MORF4L1: variants seen among roughly 807,000 people sequenced by gnomAD.
MORF4L1 encodes mortality factor 4-like protein 1.
A neutral mutation model predicts 52.9 loss-of-function variants in MORF4L1; 4 were observed. That is an observed-to-expected ratio of 0.08 (90% CI 0.04 to 0.17). The LOEUF (loss-of-function observed/expected upper bound fraction) is 0.17. Among genes scored for constraint, MORF4L1 ranks in the 10% least tolerant of loss-of-function variants. The probability of loss-of-function intolerance (pLI) is 1.00; values close to 1 mark genes in which losing one functional copy is unlikely to be tolerated. For synonymous variants in MORF4L1, 123 were observed against 134.8 expected, an observed-to-expected ratio of 0.91 and a Z score of 0.61; for missense variants, 214 against 390.4, an observed-to-expected ratio of 0.55 and a Z score of 3.81.
intron 11 of MORF4L1, among the ~76,000 whole-genome samples, chr15:78,895,183 A>C (rs971324556): frequency 2.0e-5 from 3 of 152,236 alleles, no homozygotes; most frequent in African/African-American, 7.2e-5. Flanking sequence ...CTTGTCATGT[A>C]CCAAAATTCT....
rs570043262 is a variant in MORF4L1, at chr15:78,891,203, G to C, written c.349+189G>C. 34 of 759,642 alleles carry C rather than the reference G, an allele frequency of 4.5e-5. 1 individual carries two copies. The South Asian group carries it at 5.6e-4, about 13-fold the overall frequency. The allele number at this position is 759,642 out of a possible 1,614,324, so 47.1% of individuals were successfully genotyped here. On this transcript the variant is annotated intron_variant, in intron 6 of 11. Coordinates refer to ENST00000426013, the MANE Select transcript of MORF4L1 (RefSeq NM_006791.4). ...CTTTTTGCCAAGGAGAAACTTGTGA[G>C]CATTTATTTTCATCTGCTTTAGTCT...
At chr15:78,876,665 G>A (rs2056498497) in intron 1 of MORF4L1, 1 of 445,172 alleles carries the variant, frequency 2.2e-6, no homozygotes, top group South Asian at 1.6e-5. Flanking sequence ...GATCTTGTTC[G>A]CTGTTTATTA....
intron 11 of MORF4L1, among the ~76,000 whole-genome samples, chr15:78,895,506 A>G (rs1294802981): frequency 2.0e-5 from 3 of 152,248 alleles, no homozygotes; most frequent in Admixed American, 6.5e-5. Flanking sequence ...GGTTTCTACA[A>G]GTTTTTGGAG....
chr15:78,884,660 T>TAC (rs67970418), intron 3 of MORF4L1, among the ~76,000 whole-genome samples: 2,485 of 130,650 alleles, frequency 0.019, 78 homozygotes, highest in African/African-American at 0.068. Flanking sequence ...AAAAAAAAAA[T>TAC]ACACACACAC....
At chr15:78,879,546 A>G (rs2056561463) in intron 2 of MORF4L1, among the ~76,000 whole-genome samples, 1 of 152,184 alleles carries the variant, frequency 6.6e-6, no homozygotes, top group Admixed American at 6.5e-5. Context: ...AAGAAATCCT[A>G]AAATGACTGA....
chr15:78,893,971 G>T, intron 9 of MORF4L1, 87 bp from the exon 10 acceptor site: 1 of 1,328,130 alleles, frequency 7.5e-7, no homozygotes, highest in South Asian at 1.4e-5. Flanking sequence ...TACTAGCTCA[G>T]CTTTTAATTC....
At chr15:78,894,288 A>C (rs970985776) in intron 10 of MORF4L1, 58 bp downstream of exon 10, 1 of 1,374,704 alleles carries the variant, frequency 7.3e-7, no homozygotes, top group African/African-American at 1.5e-5. Context: ...TCTCTAAATG[A>C]ATAAGAGGTA....
At chr15:78,886,423 C>G in intron 4 of MORF4L1, 196 bp downstream of exon 4, 1 of 592,424 alleles carries the variant, frequency 1.7e-6, no homozygotes, top group South Asian at 2.1e-5. Flanking sequence ...CCTGCCATTA[C>G]TTGAGCTTAT....
intron 1 of MORF4L1, among the ~76,000 whole-genome samples, chr15:78,875,615 A>ATGGTGAAACCCC (rs2056470643): frequency 7.2e-6 from 1 of 138,006 alleles, no homozygotes; most frequent in Admixed American, 7.3e-5. Flanking sequence ...GGTGAAACCC[A>ATGGTGAAACCCC]GTCTCTACTA....
At chr15:78,882,648 C>T (rs994464443) in intron 3 of MORF4L1, among the ~76,000 whole-genome samples, 44 of 152,006 alleles carry the variant, frequency 2.9e-4, no homozygotes, top group African/African-American at 9.9e-4. Context: ...AGGAGAATTT[C>T]ATTTCTCTAC....
At chr15:78,891,779 T>G (rs151042611) in intron 7 of MORF4L1, 1 of 527,622 alleles carries the variant, frequency 1.9e-6, no homozygotes, top group African/African-American at 1.9e-5. Flanking sequence ...AATTGATCAT[T>G]TGTTGTGTAA....
chr15:78,886,025 T>TGTA (rs1391264855), intron 3 of MORF4L1, 116 bp from the exon 4 acceptor site: 11 of 718,746 alleles, frequency 1.5e-5, no homozygotes, highest in African/African-American at 3.6e-5. Context: ...AGAATATATT[T>TGTA]GTAGTGCCAG....
In MORF4L1 at chr15:78,897,201, C is replaced by T. The variant is rs969165266; in HGVS notation, c.*134C>T. The stretch of plus-strand genomic sequence containing the variant: ...TGTTTGTTTTCTGTTTGATTTTAAA[C>T]AGAGAAAAAATAAAAGGGGGTAATA... On this transcript the variant is annotated 3_prime_UTR_variant, in exon 12 of 12. Coordinates refer to ENST00000426013, the MANE Select transcript of MORF4L1 (RefSeq NM_006791.4). The T allele has an allele frequency of 1.2e-5, 8 of 653,778 alleles. No individual in the cohort carries two copies. In the African/African-American group the frequency reaches 1.5e-4, roughly 12 times the overall value. The allele number at this position is 653,778 out of a possible 1,614,324, so 40.5% of individuals were successfully genotyped here.
At chr15:78,885,664 A>T (rs182767978) in intron 3 of MORF4L1, among the ~76,000 whole-genome samples, 1 of 152,218 alleles carries the variant, frequency 6.6e-6, no homozygotes, top group African/African-American at 2.4e-5. Context: ...ATGTATTCTC[A>T]TAACAGTTAT....
At chr15:78,891,109 G>A in intron 6 of MORF4L1, 95 bp downstream of exon 6, 1 of 1,327,832 alleles carries the variant, frequency 7.5e-7, no homozygotes, top group South Asian at 1.3e-5. Context: ...GTAAGCTTAT[G>A]TTTATTGATT....
At chr15:78,884,059 C>G (rs1200208426) in intron 3 of MORF4L1, among the ~76,000 whole-genome samples, 1 of 151,228 alleles carries the variant, frequency 6.6e-6, no homozygotes. Context: ...CAAAAATTAG[C>G]CAGGTGTGGT....
In MORF4L1 at chr15:78,897,150, T is replaced by C; in HGVS notation, c.*83T>C. On this transcript the variant is annotated 3_prime_UTR_variant, in exon 12 of 12. Coordinates refer to ENST00000426013, the MANE Select transcript of MORF4L1 (RefSeq NM_006791.4). ...TATCTCTTGTACAAACGATGTGCTT[T>C]GAAGATGTTAGTGTATAACAATTGA... 1 of 1,132,374 alleles carries C rather than the reference T, an allele frequency of 8.8e-7. No homozygotes were observed. The highest frequency in any genetic ancestry group is 1.3e-6 in the Non-Finnish European group (1 of 760,166). 70.1% of individuals were successfully genotyped at this position (1,132,374 alleles called of 1,614,324 possible).
intron 1 of MORF4L1, among the ~76,000 whole-genome samples, chr15:78,876,933 T>C (rs2056504137): frequency 6.6e-6 from 1 of 151,992 alleles, no homozygotes; most frequent in Non-Finnish European, 1.5e-5. Context: ...TTAAAAAATA[T>C]TTTAAATTTT....
intron 5 of MORF4L1, 109 bp from the exon 6 acceptor site, chr15:78,890,879 TC>T (rs2056789455): frequency 9.4e-7 from 1 of 1,064,150 alleles, no homozygotes; most frequent in Non-Finnish European, 1.3e-6. Context: ...TACCACCTGA[TC>T]CTTTATCCAA....
Sources: allele counts gnomAD v4.1 joint callset (sites outside exome capture counted in the v4.1 genomes callset), GRCh38; gene constraint gnomAD v4.1.1; transcripts MANE v1.5; gene names NCBI Gene and HGNC (gene_info 2026-07-23, HGNC 2026-07-21).